MYH10: variants seen among roughly 807,000 people sequenced by gnomAD.
MYH10 encodes myosin heavy chain 10, also known as myosin-10.
A neutral mutation model predicts 257.8 loss-of-function variants in MYH10; 55 were observed. The observed-to-expected ratio is 0.21, with a 90% confidence interval of 0.17 to 0.27. The LOEUF (loss-of-function observed/expected upper bound fraction) is 0.27. Ranked by LOEUF, MYH10 falls within the 10% of genes least tolerant of loss-of-function variation. The pLI, the probability that MYH10 is intolerant of heterozygous loss-of-function variation, is 1.00. For missense variants in MYH10, 1,631 were observed against 2,500.6 expected (o/e 0.65, Z 7.42); for synonymous variants, 854 against 921.7 (o/e 0.93, Z 1.33).
At chr17:8,530,600 A>C in intron 17 of MYH10, 23 bp downstream of exon 17, 1 of 1,493,644 alleles carries the variant, frequency 6.7e-7, no homozygotes, top group African/African-American at 1.4e-5. Flanking sequence ...GTTTTGGAAG[A>C]CCTACAGGCT....
chr17:8,521,252 C>A lies in MYH10; in HGVS notation c.1991G>T (p.Gly664Val). 1 of 1,614,110 alleles carries A rather than the reference C, an allele frequency of 6.2e-7. No individual in the cohort carries two copies. The highest frequency in any genetic ancestry group is 8.5e-7 in the Non-Finnish European group (1 of 1,180,046). Residue 664 changes from glycine (G) to valine (V), a missense_variant, in exon 18 of 43, where the codon GGT becomes GTT. By Grantham distance (109) the Gly-to-Val change is moderately radical (BLOSUM62 -3). Around this residue, in one of 11 missense-constraint regions of MYH10, gnomAD observed 96 missense variants for 146.2 expected, o/e 0.66. Transcript: ENST00000360416. ...GGAGCCAAAAGCTGTCTCAGTCATA[C>A]CAGTGACTTGATCCAGACCCACGAT... is the stretch of plus-strand genomic sequence containing the variant. ...DRIVGLDQVT[G>V]MTETAFGSAY... is the part of the protein sequence containing the mutation.
At chr17:8,488,507 G>C (rs1015981579) in intron 35 of MYH10, among the ~76,000 whole-genome samples, 1 of 152,150 alleles carries the variant, frequency 6.6e-6, no homozygotes, top group Non-Finnish European at 1.5e-5. Context: ...TAAGGTATAG[G>C]TCATAAATAC....
intron 42 of MYH10, 125 bp from the exon 43 acceptor site, chr17:8,476,073 T>A: frequency 8.8e-7 from 1 of 1,132,812 alleles, no homozygotes; most frequent in Non-Finnish European, 1.2e-6. Flanking sequence ...CACGACCTTG[T>A]GGGGGTGGCG....
At chr17:8,606,133 T>C (rs2084793959) in intron 2 of MYH10, among the ~76,000 whole-genome samples, 1 of 152,212 alleles carries the variant, frequency 6.6e-6, no homozygotes, top group African/African-American at 2.4e-5. Context: ...CTCTTTGGGA[T>C]GGATCTTCAG....
chr17:8,585,125 G>A (rs997425507), intron 4 of MYH10, among the ~76,000 whole-genome samples: 1 of 151,778 alleles, frequency 6.6e-6, no homozygotes, highest in African/African-American at 2.4e-5. Flanking sequence ...TTACAGGCGT[G>A]AGCCATCATG....
At chr17:8,605,150 C>A (rs1362887118) in intron 2 of MYH10, among the ~76,000 whole-genome samples, 168 bp from the exon 3 acceptor site, 1 of 152,160 alleles carries the variant, frequency 6.6e-6, no homozygotes, top group Non-Finnish European at 1.5e-5. Flanking sequence ...CAATTTAGTA[C>A]TATGAACCAC....
rs2082685315 is a variant in MYH10 at position 8,552,965 on chromosome 17, G to A, written c.821-821C>T. ...TTCTTGATGCTCCCGGAGTTCCTAT[G>A]GGTTGACAGTCACACCGGCATCTCA... On this transcript the variant is annotated intron_variant, in intron 8 of 42. Coordinates refer to ENST00000360416, the MANE Select transcript of MYH10 (RefSeq NM_001256012.3). The surrounding 1 kb of genome is among the most constrained non-coding windows in gnomAD (Gnocchi z 4.8). 6.6e-6 allele frequency among the ~76,000 whole-genome samples: 1 copy of A among 152,190 alleles called. No homozygotes were observed. Among genetic ancestry groups the A allele is most frequent in the Admixed American group, 6.6e-5 (1 of 15,266 alleles).
In MYH10 at chr17:8,542,706, C is replaced by T. The variant is rs555663801; in HGVS notation, c.1432-426G>A. On this transcript the variant is annotated intron_variant, in intron 13 of 42. Coordinates refer to ENST00000360416, the MANE Select transcript of MYH10 (RefSeq NM_001256012.3). ...AGGAAGGCGAACAAGGTGGTGGGCG[C>T]GCTTCTGAAGCTGGGGTGGAGAATG... 1.2e-4 allele frequency among the ~76,000 whole-genome samples: 18 copies of T among 152,276 alleles called. No individual in the cohort carries two copies. In the East Asian group the frequency reaches 2.3e-3, roughly 20 times the overall value.
At chr17:8,536,259 G>A (rs961583442) in intron 14 of MYH10, among the ~76,000 whole-genome samples, 1 of 152,128 alleles carries the variant, frequency 6.6e-6, no homozygotes, top group Non-Finnish European at 1.5e-5. Flanking sequence ...GGGAAGTGGA[G>A]AGATGAAACT....
At chr17:8,514,174 C>CAT (rs1327752660) in intron 21 of MYH10, among the ~76,000 whole-genome samples, 3 of 152,164 alleles carry the variant, frequency 2.0e-5, no homozygotes, top group Admixed American at 2.0e-4. Flanking sequence ...GCCACTCAGC[C>CAT]ATATACCCAC....
intron 3 of MYH10, among the ~76,000 whole-genome samples, chr17:8,592,636 G>T (rs2084190017): frequency 6.6e-6 from 1 of 151,170 alleles, no homozygotes; most frequent in African/African-American, 2.4e-5. Flanking sequence ...ATCTATTAAA[G>T]AAAATGAAAT....
At chr17:8,602,572 C>T (rs1288043715) in intron 3 of MYH10, among the ~76,000 whole-genome samples, 1 of 152,216 alleles carries the variant, frequency 6.6e-6, no homozygotes, top group African/African-American at 2.4e-5. Flanking sequence ...AGGTAGCCCC[C>T]TACTTACAAA....
intron 37 of MYH10, among the ~76,000 whole-genome samples, chr17:8,482,455 C>T (rs922763433): frequency 9.9e-5 from 15 of 152,204 alleles, no homozygotes; most frequent in Middle Eastern, 3.2e-3. Flanking sequence ...AGGCAGCTGA[C>T]GGAATGTTCC....
At position 8,521,173 on chromosome 17, in the gene MYH10, T is replaced by G; in HGVS notation, c.2070A>C (p.Glu690Asp). The G allele has an allele frequency of 6.2e-7, 1 of 1,614,196 alleles. No individual in the cohort carries two copies. The highest frequency in any genetic ancestry group is 2.2e-5 in the East Asian group (1 of 44,888). Reference sequence around the variant, plus strand: ...GAGTTGCCATCAGCTTGGTGAGAGATTCTTTGTAGAGTTGCCCAACGGTAC... The same window carrying G: ...GAGTTGCCATCAGCTTGGTGAGAGAGTCTTTGTAGAGTTGCCCAACGGTAC... The part of the protein sequence containing the change: ...MFRTVGQLYK[E>D]SLTKLMATLR... The change falls in exon 18 of 43, where the codon GAA becomes GAC. Residue 690 changes from glutamate to aspartate, a missense_variant. This residue lies in a region of MYH10 where 96 missense variants were observed against 146.2 expected (regional missense o/e 0.66). Coordinates refer to ENST00000360416, the MANE Select transcript of MYH10 (RefSeq NM_001256012.3).
chr17:8,555,637 TAACTC>T (rs1335171743), intron 7 of MYH10, among the ~76,000 whole-genome samples: 4 of 152,152 alleles, frequency 2.6e-5, no homozygotes, highest in Non-Finnish European at 5.9e-5. Flanking sequence ...ATATAAAACT[TAACTC>T]AAAGCAGATC....
At position 8,518,939 on chromosome 17, in the gene MYH10, A is replaced by G; in HGVS notation, c.2285T>C (p.Leu762Pro). 6.2e-7 allele frequency: 1 copy of G among 1,602,720 alleles called. No homozygotes were observed. The highest frequency in any genetic ancestry group is 1.1e-5 in the South Asian group (1 of 89,770). ...ACCTTTAGGAATAGCATTTGGAGTT[A>G]GGATCTCATATCTGTAAGAGAATAT... ...FQEFRQRYEI[L>P]TPNAIPKGFM... Residue 762 changes from leucine to proline, a missense_variant, in exon 20 of 43, where the codon CTA becomes CCA. Around this residue, in one of 11 missense-constraint regions of MYH10, gnomAD observed 116 missense variants for 221.6 expected, o/e 0.52. Coordinates refer to ENST00000360416, the MANE Select transcript of MYH10 (RefSeq NM_001256012.3).
At chr17:8,564,275 G>T (rs2083090504) in intron 7 of MYH10, among the ~76,000 whole-genome samples, 1 of 152,198 alleles carries the variant, frequency 6.6e-6, no homozygotes, top group Non-Finnish European at 1.5e-5. Flanking sequence ...GAACCAAATG[G>T]ATTCTAAAGC....
intron 4 of MYH10, among the ~76,000 whole-genome samples, chr17:8,578,963 T>C (rs2083600272): frequency 1.3e-5 from 2 of 152,208 alleles, no homozygotes; most frequent in African/African-American, 2.4e-5. Context: ...CTAACAAAGC[T>C]GGACTCTTTC....
intron 9 of MYH10, among the ~76,000 whole-genome samples, chr17:8,549,879 G>A (rs990099619): frequency 2.6e-5 from 4 of 151,190 alleles, no homozygotes; most frequent in Admixed American, 6.6e-5. Context: ...TGGTGGAGAC[G>A]GGGTTTCGCT....
Sources: gnomAD v4.1 joint callset for allele counts (sites outside exome capture counted in the v4.1 genomes callset) on GRCh38, gnomAD v4.1.1 for gene constraint, gnomAD v4.1.1 regional missense constraint, Gnocchi (gnomAD v3.1) non-coding constraint, MANE v1.5 for transcripts, NCBI Gene and HGNC (gene_info 2026-07-23, HGNC 2026-07-21) for gene names.